The following RASD2 variants were observed in gnomAD, a reference collection of about 807,000 sequenced individuals.
The protein encoded by RASD2 is GTP-binding protein Rhes.
RASD2 carries 7 observed loss-of-function variants against 15.8 expected under a neutral mutation model. That is an observed-to-expected ratio of 0.44 (90% confidence interval 0.25 to 0.83). RASD2 has a LOEUF of 0.83. RASD2 is among the 40% of genes least tolerant of loss of function. The probability of loss-of-function intolerance (pLI) is 0.20; values close to 1 mark genes in which losing one functional copy is unlikely to be tolerated. For missense variants in RASD2, 274 were observed against 382.8 expected (o/e 0.72, Z 2.37); for synonymous variants, 155 against 153.6 (o/e 1.01, Z -0.07).
At chr22:35,548,442 A>G (rs1356053960) in intron 2 of RASD2, among the ~76,000 whole-genome samples, 2 of 152,200 alleles carry the variant, frequency 1.3e-5, no homozygotes, top group African/African-American at 4.8e-5. Flanking sequence ...TGGGCCTGCT[A>G]CGGGTTACAC....
In RASD2 at chr22:35,548,926, C is replaced by T. The variant is rs141954612; in HGVS notation, c.271+1846C>T. Among the ~76,000 whole-genome samples the T allele has an allele frequency of 1.4e-4, 22 of 152,258 alleles. No homozygotes were observed. In the East Asian group the frequency reaches 1.5e-3, roughly 11 times the overall value. On this transcript the variant is annotated intron_variant, in intron 2 of 2. Coordinates refer to ENST00000216127, the MANE Select transcript of RASD2 (RefSeq NM_014310.4). ...TGTGGCGGGAGCTTCCAGCACGTGA[C>T]GGGTATTGCATTGGTGTCAGCTCCC...
chr22:35,533,470 T>C, the RASD2 span, among the ~76,000 whole-genome samples: 1 of 152,212 alleles, frequency 6.6e-6, no homozygotes, highest in Non-Finnish European at 1.5e-5. Context: ...ACAATGATGG[T>C]GGCTATGATG....
At chr22:35,540,379 C>G (rs1445815120), upstream of RASD2, among the ~76,000 whole-genome samples, 3 of 149,644 alleles carry the variant, frequency 2.0e-5, no homozygotes, top group Non-Finnish European at 4.5e-5. Flanking sequence ...CGCGGCGCCC[C>G]GGAGGCCGCG....
chr22:35,542,500 T>C (rs760753447), intron 1 of RASD2, among the ~76,000 whole-genome samples: 3 of 152,122 alleles, frequency 2.0e-5, no homozygotes, highest in African/African-American at 7.2e-5. Flanking sequence ...AGAGGCAGAG[T>C]TGGCCTGCCA....
chr22:35,546,589 G>A (rs16995823), intron 1 of RASD2, among the ~76,000 whole-genome samples: 2,644 of 152,170 alleles, frequency 0.017, 77 homozygotes, highest in African/African-American at 0.061. Flanking sequence ...ATGAATGAAC[G>A]GATATTGAGT....
chr22:35,543,801 CTTGCCTCCTCTCTCTGACTCT>C lies in RASD2; in HGVS notation c.-10+2315_-10+2335del, dbSNP rs150382066. Among the ~76,000 whole-genome samples, 1,284 of 152,010 alleles carry C rather than the reference CTTGCCTCCTCTCTCTGACTCT, an allele frequency of 8.4e-3. 14 individuals carry two copies. Among genetic ancestry groups the C allele is most frequent in the African/African-American group, 0.024 (998 of 41,432 alleles). ...ACTCCTTGCCTCCTCTATCTGTCAC[CTTGCCTCCTCTCTCTGACTCT>C]TTGCCTCCTCTCTGACTCCCTGCCT... is the stretch of plus-strand genomic sequence containing the variant. On this transcript the variant is annotated intron_variant, in intron 1 of 2. Transcript: ENST00000216127.
chr22:35,552,401 A>G lies in RASD2; in HGVS notation c.*369A>G. ...TCCTGGGACAAGCCTCAGGATGAAAAGGACACAGAAGGCCAGATGAGAAAG... is the reference window on the plus strand; with the variant it reads ...TCCTGGGACAAGCCTCAGGATGAAAGGGACACAGAAGGCCAGATGAGAAAG... On this transcript the variant is annotated 3_prime_UTR_variant, in exon 3 of 3. Coordinates refer to ENST00000216127, the MANE Select transcript of RASD2 (RefSeq NM_014310.4). The G allele has an allele frequency of 4.4e-6, 1 of 229,264 alleles. No individual in the cohort carries two copies. The highest frequency in any genetic ancestry group is 8.6e-6 in the Non-Finnish European group (1 of 116,594). 14.2% of individuals were successfully genotyped at this position (229,264 alleles called of 1,614,324 possible). A position where few individuals can be genotyped will look rare whatever the true frequency, so the allele number is the denominator to read the frequency against.
intron 1 of RASD2, among the ~76,000 whole-genome samples, chr22:35,546,047 A>G (rs1934494324): frequency 1.3e-5 from 2 of 152,132 alleles, no homozygotes; most frequent in African/African-American, 2.4e-5. Context: ...CCCATTCCAC[A>G]TCCTCTACTC....
intron 1 of RASD2, among the ~76,000 whole-genome samples, chr22:35,542,425 A>G (rs981409586): frequency 6.6e-6 from 1 of 152,222 alleles, no homozygotes; most frequent in African/African-American, 2.4e-5. Context: ...ATGTCTTACC[A>G]TTAACAGAGG....
Position 35,552,556 on chromosome 22 carries a change from C to CAA in RASD2, c.*525_*526dup, listed in dbSNP as rs141418455. ...CCCCCTCCCACCCCCAGCACACACA[C>CAA]AAGTTGGCCCCCAGCTGCGCCTGAC... On this transcript the variant is annotated 3_prime_UTR_variant, in exon 3 of 3. Coordinates refer to ENST00000216127, the MANE Select transcript of RASD2 (RefSeq NM_014310.4). The CAA allele has an allele frequency of 0.012, 1,785 of 154,720 alleles. 101 individuals are homozygous for CAA. The highest frequency in any genetic ancestry group is 0.096 in the Admixed American group (1,504 of 15,636). The allele number at this position is 154,720 out of a possible 1,614,324, so 9.6% of individuals were successfully genotyped here. A position where few individuals can be genotyped will look rare whatever the true frequency, so the allele number is the denominator to read the frequency against.
upstream of RASD2, among the ~76,000 whole-genome samples, chr22:35,538,486 G>A (rs1934277497): frequency 2.6e-5 from 4 of 152,184 alleles, no homozygotes; most frequent in Admixed American, 2.6e-4. Flanking sequence ...GCACATGTGA[G>A]AAGTGTGCTG....
rs1466168605 is a variant in RASD2 at position 35,551,401 on chromosome 22, G to A, written c.272-102G>A. On this transcript the variant is annotated intron_variant, in intron 2 of 2. Transcript: ENST00000216127. This position sits in a 1 kb window ranked among gnomAD's most constrained non-coding sequence, Gnocchi z 4.9. ...AGTTATGCCGCATAACTGCTTCAGG[G>A]CACCTGTGACTCCCAGCTCTTAGGG... 1 of 1,211,550 alleles carries A rather than the reference G, an allele frequency of 8.3e-7. No individual in the cohort carries two copies. Among genetic ancestry groups the A allele is most frequent in the East Asian group, 2.4e-5 (1 of 42,408 alleles). The allele number at this position is 1,211,550 out of a possible 1,614,324, so 75.0% of individuals were successfully genotyped here.
chr22:35,542,883 C>G (rs541981363), intron 1 of RASD2, among the ~76,000 whole-genome samples: 19 of 152,118 alleles, frequency 1.2e-4, no homozygotes, highest in East Asian at 3.8e-4. Context: ...GTGCCTGCCC[C>G]CTTTCCGCTC....
At chr22:35,542,447 C>T (rs775555269) in intron 1 of RASD2, among the ~76,000 whole-genome samples, 6 of 152,222 alleles carry the variant, frequency 3.9e-5, no homozygotes, top group Non-Finnish European at 8.8e-5. Flanking sequence ...ATAACCTGAG[C>T]CCCAGGAAGC....
upstream of RASD2, among the ~76,000 whole-genome samples, chr22:35,537,374 A>G (rs1934259193): frequency 6.6e-6 from 1 of 152,222 alleles, no homozygotes; most frequent in Non-Finnish European, 1.5e-5. Context: ...TAAAAGGATG[A>G]ATCAGGCTCG....
At chr22:35,534,816 AG>A in the RASD2 span, among the ~76,000 whole-genome samples, 1 of 152,230 alleles carries the variant, frequency 6.6e-6, no homozygotes, top group Non-Finnish European at 1.5e-5. Context: ...TGCCTGGGAA[AG>A]GAACCTTTCT....
chr22:35,537,379 G>A (rs142584128), upstream of RASD2, among the ~76,000 whole-genome samples: 258 of 152,326 alleles, frequency 1.7e-3, 1 homozygote, highest in Middle Eastern at 3.4e-3. Flanking sequence ...GGATGAATCA[G>A]GCTCGGTCCC....
At chr22:35,543,883 C>T (rs28549027) in intron 1 of RASD2, among the ~76,000 whole-genome samples, 1 of 150,146 alleles carries the variant, frequency 6.7e-6, no homozygotes, top group South Asian at 2.1e-4. Flanking sequence ...TGTCTGACTC[C>T]CTGCCTCCCC....
At chr22:35,543,576 G>A (rs528844725) in intron 1 of RASD2, among the ~76,000 whole-genome samples, 14 of 152,230 alleles carry the variant, frequency 9.2e-5, no homozygotes, top group Non-Finnish European at 1.8e-4. Context: ...CCACCTCTGG[G>A]GGAAGAGAGG....
Sources: gnomAD v4.1 joint callset for allele counts (sites outside exome capture counted in the v4.1 genomes callset) on GRCh38, gnomAD v4.1.1 for gene constraint, Gnocchi (gnomAD v3.1) non-coding constraint, MANE v1.5 for transcripts, NCBI Gene and HGNC (gene_info 2026-07-23, HGNC 2026-07-21) for gene names.